Variants in CADM2 observed in about 807,000 individuals in gnomAD.
CADM2 encodes immunoglobulin superfamily member 4D.
A neutral mutation model predicts 49.8 loss-of-function variants in CADM2; 12 were observed. The ratio of observed to expected loss-of-function variants is 0.24; its 90% confidence interval spans 0.15 to 0.39. The LOEUF is 0.39. CADM2 is among the 10% of genes least tolerant of loss of function. CADM2 has a pLI of 1.00. For synonymous variants in CADM2, 214 were observed against 175.4 expected (o/e 1.22, Z -1.74); for missense variants, 378 against 492.3 (o/e 0.77, Z 2.20).
At chr3:86,024,293 C>T (rs1489149798) in intron 8 of CADM2, among the ~76,000 whole-genome samples, 1 of 152,180 alleles carries the variant, frequency 6.6e-6, no homozygotes, top group African/African-American at 2.4e-5. Flanking sequence ...CTAATTTTAT[C>T]ATTTCAATGT....
intron 1 of CADM2, among the ~76,000 whole-genome samples, chr3:85,095,813 C>T (rs2037773822): frequency 6.6e-6 from 1 of 152,092 alleles, no homozygotes; most frequent in African/African-American, 2.4e-5. Flanking sequence ...TTCTTGAGCA[C>T]ATCTGGGAAG....
At chr3:85,732,215 C>G (rs2067964799) in intron 2 of CADM2, among the ~76,000 whole-genome samples, 1 of 151,006 alleles carries the variant, frequency 6.6e-6, no homozygotes, top group East Asian at 1.9e-4. Context: ...GAACCGAAAT[C>G]ACACCATTGC....
At chr3:85,731,329 TCAGA>T (rs1289791483) in intron 2 of CADM2, among the ~76,000 whole-genome samples, 2 of 152,166 alleles carry the variant, frequency 1.3e-5, no homozygotes, top group Non-Finnish European at 2.9e-5. Flanking sequence ...CATTTTGTAG[TCAGA>T]CAGGAATATG....
intron 3 of CADM2, among the ~76,000 whole-genome samples, chr3:85,803,757 T>G (rs1365468956): frequency 6.6e-6 from 1 of 152,044 alleles, no homozygotes; most frequent in Non-Finnish European, 1.5e-5. Flanking sequence ...CTGTCCACAT[T>G]ATGGAGAATA....
chr3:85,878,549 T>C (rs1327881175), intron 3 of CADM2, among the ~76,000 whole-genome samples: 1 of 152,102 alleles, frequency 6.6e-6, no homozygotes, highest in African/African-American at 2.4e-5. Flanking sequence ...TCATTGTAGA[T>C]GTATTTGAAG....
intron 1 of CADM2, among the ~76,000 whole-genome samples, chr3:85,551,625 C>G (rs1410322910): frequency 2.0e-5 from 3 of 152,146 alleles, no homozygotes; most frequent in Admixed American, 6.5e-5. Context: ...GAAACTGTTT[C>G]ATTCTTTTGT....
intron 3 of CADM2, among the ~76,000 whole-genome samples, chr3:85,817,495 G>T (rs1369349927): frequency 7.1e-6 from 1 of 141,410 alleles, no homozygotes; most frequent in African/African-American, 2.6e-5. Context: ...TATTGTCTGG[G>T]TATTGATAAA....
intron 1 of CADM2, among the ~76,000 whole-genome samples, chr3:85,540,397 T>C (rs950700188): frequency 2.6e-5 from 4 of 152,130 alleles, no homozygotes; most frequent in South Asian, 4.1e-4. Flanking sequence ...CAATATTTCA[T>C]TGACATCCTT....
intron 1 of CADM2, among the ~76,000 whole-genome samples, chr3:85,668,141 A>G (rs1231387876): frequency 1.3e-5 from 2 of 151,890 alleles, no homozygotes; most frequent in Non-Finnish European, 2.9e-5. Context: ...CACTTATGTA[A>G]TGGTGGTGGG....
chr3:85,547,981 G>A (rs1464839891), intron 1 of CADM2, among the ~76,000 whole-genome samples: 5 of 151,888 alleles, frequency 3.3e-5, no homozygotes, highest in Non-Finnish European at 5.9e-5. Context: ...TACACAATAT[G>A]GAAGTTAACA....
At chr3:85,682,426 T>A (rs2066065363) in intron 1 of CADM2, among the ~76,000 whole-genome samples, 1 of 152,074 alleles carries the variant, frequency 6.6e-6, no homozygotes, top group Non-Finnish European at 1.5e-5. Context: ...TACTGTAACT[T>A]TTCCATATTC....
intron 8 of CADM2, among the ~76,000 whole-genome samples, chr3:85,964,640 A>G (rs748308811): frequency 6.6e-6 from 1 of 151,868 alleles, no homozygotes; most frequent in African/African-American, 2.4e-5. Context: ...CTGCCAGTCT[A>G]AAATTTATCC....
At chr3:85,043,086 T>TG (rs1384599931) in intron 1 of CADM2, among the ~76,000 whole-genome samples, 3 of 151,842 alleles carry the variant, frequency 2.0e-5, no homozygotes, top group African/African-American at 4.8e-5. Flanking sequence ...AGATATTGGG[T>TG]GGGGGGTGAA....
At chr3:85,643,407 G>C (rs2064786608) in intron 1 of CADM2, among the ~76,000 whole-genome samples, 1 of 152,066 alleles carries the variant, frequency 6.6e-6, no homozygotes, top group South Asian at 2.1e-4. Flanking sequence ...TTCCAATTTT[G>C]TTTTACACTG....
At chr3:85,317,122 T>G (rs1168159862) in intron 1 of CADM2, among the ~76,000 whole-genome samples, 1 of 151,046 alleles carries the variant, frequency 6.6e-6, no homozygotes, top group East Asian at 2.0e-4. Context: ...CTCAGTGGTG[T>G]TTGCTTTTTT....
At chr3:85,558,898 G>A (rs568693460) in intron 1 of CADM2, among the ~76,000 whole-genome samples, 5 of 152,134 alleles carry the variant, frequency 3.3e-5, no homozygotes, top group Non-Finnish European at 5.9e-5. Flanking sequence ...GATCTCTTGT[G>A]TATAAACCAT....
chr3:85,371,619 C>CTG (rs71108284), intron 1 of CADM2, among the ~76,000 whole-genome samples: 36,892 of 124,352 alleles, frequency 0.3, 6,128 homozygotes, highest in African/African-American at 0.42. Context: ...CCACACATCA[C>CTG]TGTGTGTGTG....
intron 1 of CADM2, among the ~76,000 whole-genome samples, chr3:85,713,537 AG>A (rs1396247712): frequency 3.3e-5 from 5 of 152,178 alleles, no homozygotes; most frequent in African/African-American, 1.2e-4. Flanking sequence ...ATAAGAAAAA[AG>A]GATGCCACTT....
In CADM2 at chr3:85,449,052, A is replaced by AAATAAT. The variant is rs55971962; in HGVS notation, c.62-277451_62-277446dup. 2.8e-3 allele frequency among the ~76,000 whole-genome samples: 299 copies of AAATAAT among 107,434 alleles called. 1 individual carries two copies. The highest frequency in any genetic ancestry group is 4.2e-3 in the Non-Finnish European group (202 of 47,948). 70.5% of individuals were successfully genotyped at this position (107,434 alleles called of 152,430 possible). A position where few individuals can be genotyped will look rare whatever the true frequency, so the allele number is the denominator to read the frequency against. ...GCAAAGGGGCGAGACTCCAACTCAA[A>AAATAAT]AATAATAATAATAATAATAATAATG... On this transcript the variant is annotated intron_variant, in intron 1 of 9. Coordinates refer to ENST00000383699, the MANE Select transcript of CADM2 (RefSeq NM_001167675.2).
Sources: gnomAD v4.1 joint callset for allele counts (sites outside exome capture counted in the v4.1 genomes callset) on GRCh38, gnomAD v4.1.1 for gene constraint, MANE v1.5 for transcripts, NCBI Gene and HGNC (gene_info 2026-07-23, HGNC 2026-07-21) for gene names.